ENTPD1: variants seen among roughly 807,000 people sequenced by gnomAD.
ENTPD1 encodes ectonucleoside triphosphate diphosphohydrolase 1.
Under a neutral mutation model 57.0 loss-of-function variants are expected in ENTPD1, and 33 were observed. That is an observed-to-expected ratio of 0.58 (90% confidence interval 0.44 to 0.77). ENTPD1 has a LOEUF of 0.77. ENTPD1 is among the 30% of genes least tolerant of loss of function. The pLI is 0.00. For synonymous variants in ENTPD1, 202 were observed against 218.8 expected, an observed-to-expected ratio of 0.92 and a Z score of 0.68; for missense variants, 501 against 603.4, an observed-to-expected ratio of 0.83 and a Z score of 1.78.
intron 2 of ENTPD1, among the ~76,000 whole-genome samples, chr10:95,825,742 T>C (rs1311310063): frequency 6.6e-6 from 1 of 152,188 alleles, no homozygotes; most frequent in African/African-American, 2.4e-5. Context: ...CACGCCCGGC[T>C]AATTTTTTTG....
chr10:95,744,915 C>T (rs528923986), intron 1 of ENTPD1, among the ~76,000 whole-genome samples: 16 of 152,228 alleles, frequency 1.1e-4, no homozygotes, highest in African/African-American at 3.9e-4. Flanking sequence ...CTTATTCGAC[C>T]TTTCCCTACC....
chr10:95,700,905 G>A, the ENTPD1 span, among the ~76,000 whole-genome samples: 1 of 151,546 alleles, frequency 6.6e-6, no homozygotes, highest in Non-Finnish European at 1.5e-5. Flanking sequence ...CAATTCTCCT[G>A]CCTCAGCTTC....
chr10:95,790,984 T>C (rs1276935863), intron 1 of ENTPD1, among the ~76,000 whole-genome samples: 1 of 152,202 alleles, frequency 6.6e-6, no homozygotes, highest in Admixed American at 6.5e-5. Flanking sequence ...TAACAATACG[T>C]AGCTTTTAGT....
upstream of ENTPD1, among the ~76,000 whole-genome samples, chr10:95,707,543 G>A (rs1220284480): frequency 6.6e-6 from 1 of 152,212 alleles, no homozygotes; most frequent in Non-Finnish European, 1.5e-5. Flanking sequence ...TGAGCTGGTG[G>A]TAATCATGTC....
intron 1 of ENTPD1, among the ~76,000 whole-genome samples, chr10:95,790,331 A>G (rs1403675316): frequency 6.6e-6 from 1 of 152,228 alleles, no homozygotes; most frequent in East Asian, 1.9e-4. Context: ...CATGTAAAAT[A>G]GAAAATATGT....
chr10:95,858,307 G>A (rs1431357404), intron 7 of ENTPD1, among the ~76,000 whole-genome samples: 1 of 152,160 alleles, frequency 6.6e-6, no homozygotes, highest in African/African-American at 2.4e-5. Flanking sequence ...TCTAGGGGAG[G>A]AAAGGCTTGG....
intron 1 of ENTPD1, among the ~76,000 whole-genome samples, chr10:95,804,259 GT>G (rs2098262917): frequency 6.6e-6 from 1 of 152,124 alleles, no homozygotes; most frequent in East Asian, 1.9e-4. Flanking sequence ...TGGTAGCTTG[GT>G]GGGGATGGCT....
Position 95,869,779 on chromosome 10 carries a change from GA to G in ENTPD1, c.*3399del, listed in dbSNP as rs1473356381. The G allele has an allele frequency of 5.1e-6, 4 of 784,904 alleles. No individual in the cohort carries two copies. The highest frequency in any genetic ancestry group is 6.2e-6 in the Non-Finnish European group (4 of 647,612). The allele number at this position is 784,904 out of a possible 1,614,324, so 48.6% of individuals were successfully genotyped here. A position where few individuals can be genotyped will look rare whatever the true frequency, so the allele number is the denominator to read the frequency against. ...ACTGGGTAACACAGGAGAGTTTTCA[GA>G]AAGCAACTAAATCCAAAATACTATC... On this transcript the variant is annotated 3_prime_UTR_variant, in exon 10 of 10. Coordinates refer to ENST00000371205, the MANE Select transcript of ENTPD1 (RefSeq NM_001776.6).
chr10:95,726,500 T>C (rs1212679969), intron 1 of ENTPD1, among the ~76,000 whole-genome samples: 4 of 152,220 alleles, frequency 2.6e-5, no homozygotes, highest in African/African-American at 9.6e-5. Context: ...CATCTGAGAC[T>C]GTCTTAATTT....
intron 1 of ENTPD1, among the ~76,000 whole-genome samples, chr10:95,772,286 G>A (rs987834031): frequency 1.3e-5 from 2 of 152,132 alleles, no homozygotes; most frequent in Admixed American, 6.6e-5. Flanking sequence ...TCTTCCTTTC[G>A]TGACAGATTT....
chr10:95,702,737 A>C, the ENTPD1 span, among the ~76,000 whole-genome samples: 1 of 152,232 alleles, frequency 6.6e-6, no homozygotes, highest in African/African-American at 2.4e-5. Context: ...GAAAATCTTT[A>C]AAATGTATAG....
chr10:95,696,243 G>T, the ENTPD1 span, among the ~76,000 whole-genome samples: 1 of 151,712 alleles, frequency 6.6e-6, no homozygotes, highest in Admixed American at 6.6e-5. Context: ...TATTTGTATT[G>T]CTGTTTTTTA....
At chr10:95,728,350 A>G (rs758140409) in intron 1 of ENTPD1, among the ~76,000 whole-genome samples, 2 of 152,242 alleles carry the variant, frequency 1.3e-5, no homozygotes, top group Non-Finnish European at 2.9e-5. Flanking sequence ...TGTAGGGAAG[A>G]GAAAATATAT....
intron 1 of ENTPD1, 101 bp downstream of exon 1, chr10:95,756,356 A>C (rs1471162488): frequency 7.6e-7 from 1 of 1,320,384 alleles, no homozygotes; most frequent in African/African-American, 1.5e-5. Context: ...GCTGGAGGCA[A>C]AAAGCCCTGA....
intron 1 of ENTPD1, among the ~76,000 whole-genome samples, chr10:95,762,216 A>G (rs919781361): frequency 6.6e-6 from 1 of 151,798 alleles, no homozygotes; most frequent in Non-Finnish European, 1.5e-5. Flanking sequence ...AAGCAAAAAA[A>G]AAAAAAAAAA....
At chr10:95,857,918 T>C (rs772914769) in intron 7 of ENTPD1, among the ~76,000 whole-genome samples, 1 of 151,938 alleles carries the variant, frequency 6.6e-6, no homozygotes, top group Non-Finnish European at 1.5e-5. Context: ...TCCCAGCACT[T>C]TGGGAGGCCG....
intron 5 of ENTPD1, 154 bp downstream of exon 5, chr10:95,844,789 G>C (rs1208762723): frequency 9.3e-6 from 9 of 967,380 alleles, no homozygotes; most frequent in Non-Finnish European, 1.5e-5. Context: ...TCTCACATTT[G>C]TAAGGGTCAC....
At chr10:95,810,711 A>G (rs2098302608) in intron 1 of ENTPD1, among the ~76,000 whole-genome samples, 1 of 152,220 alleles carries the variant, frequency 6.6e-6, no homozygotes, top group Non-Finnish European at 1.5e-5. Flanking sequence ...GACTGAAATA[A>G]CTTTTAAACT....
At chr10:95,799,715 T>C (rs1316394565) in intron 1 of ENTPD1, among the ~76,000 whole-genome samples, 1 of 152,244 alleles carries the variant, frequency 6.6e-6, no homozygotes, top group East Asian at 1.9e-4. Context: ...ATCACTGCAC[T>C]GTCTTCCAAA....
Sources: allele counts gnomAD v4.1 joint callset (sites outside exome capture counted in the v4.1 genomes callset), GRCh38; gene constraint gnomAD v4.1.1; transcripts MANE v1.5; gene names NCBI Gene and HGNC (gene_info 2026-07-23, HGNC 2026-07-21).